The following SCN2A variants were observed in gnomAD, a reference collection of about 807,000 sequenced individuals.
The protein encoded by SCN2A is sodium channel protein type 2 subunit alpha.
A neutral mutation model predicts 188.7 loss-of-function variants in SCN2A; 20 were observed. The observed-to-expected ratio is 0.11, with a 90% CI of 0.07 to 0.15. The LOEUF (loss-of-function observed/expected upper bound fraction) is 0.15, where lower values mean the gene tolerates loss of function less well. Among genes scored for constraint, SCN2A ranks in the 10% least tolerant of loss-of-function variants. The pLI is 1.00. For missense variants in SCN2A, 1,278 were observed against 2,445.0 expected, an observed-to-expected ratio of 0.52 and a Z score of 10.07; for synonymous variants, 804 against 833.1, an observed-to-expected ratio of 0.97 and a Z score of 0.60.
At chr2:165,318,481 T>G (rs1697887403) in intron 11 of SCN2A, among the ~76,000 whole-genome samples, 1 of 152,236 alleles carries the variant, frequency 6.6e-6, no homozygotes, top group Non-Finnish European at 1.5e-5. Context: ...CTGGCCATCT[T>G]TTTTGTGTGT....
intron 1 of SCN2A, chr2:165,293,987 A>G: frequency 6.2e-6 from 1 of 161,310 alleles, no homozygotes; most frequent in Non-Finnish European, 9.9e-6. Context: ...ACAGGAAGTT[A>G]GGTGTGGTCT....
intron 1 of SCN2A, among the ~76,000 whole-genome samples, chr2:165,291,008 C>G (rs1258237030): frequency 6.8e-6 from 1 of 147,172 alleles, no homozygotes; most frequent in African/African-American, 2.5e-5. Context: ...TTGTCATTTC[C>G]TGGTGTTTTT....
intron 16 of SCN2A, among the ~76,000 whole-genome samples, chr2:165,346,270 G>A (rs908556856): frequency 6.6e-6 from 1 of 152,068 alleles, no homozygotes; most frequent in Non-Finnish European, 1.5e-5. Flanking sequence ...TGCTAGGTTG[G>A]GGAAGTTCTC....
At chr2:165,383,888 C>T (rs960123365) in intron 25 of SCN2A, among the ~76,000 whole-genome samples, 11 of 151,422 alleles carry the variant, frequency 7.3e-5, no homozygotes, top group Non-Finnish European at 2.9e-5. Context: ...ATTTGGCAAA[C>T]GAGTCAGAGT....
Position 165,354,672 on chromosome 2 carries a change from G to A in SCN2A, c.3399+1G>A, listed in dbSNP as rs1700091133. The stretch of plus-strand genomic sequence containing the variant: ...GTCAGATATGGAGGAAAGCAAAGAG[G>A]TAAAAATGTTTAAATAAGGAGATAT... On this transcript the variant is annotated splice_donor_variant, in intron 17 of 26. Coordinates refer to ENST00000375437, the MANE Select transcript of SCN2A (RefSeq NM_001040142.2). LOFTEE classifies it high-confidence loss of function. The A allele has an allele frequency of 6.2e-7, 1 of 1,612,954 alleles. No individual in the cohort carries two copies. Among genetic ancestry groups the A allele is most frequent in the Non-Finnish European group, 8.5e-7 (1 of 1,179,810 alleles).
intron 1 of SCN2A, among the ~76,000 whole-genome samples, chr2:165,291,031 C>CTTTCT (rs1696075019): frequency 7.4e-5 from 3 of 40,724 alleles, no homozygotes. Context: ...CTTTTCTTTT[C>CTTTCT]TTTCTTTTTT....
chr2:165,301,236 A>T (rs983010617), intron 3 of SCN2A, among the ~76,000 whole-genome samples: 13 of 152,074 alleles, frequency 8.5e-5, no homozygotes, highest in African/African-American at 3.1e-4. Context: ...ACATCATTGG[A>T]GGAGTTGAGG....
At chr2:165,282,598 T>G (rs1695629926) in intron 1 of SCN2A, among the ~76,000 whole-genome samples, 1 of 152,232 alleles carries the variant, frequency 6.6e-6, no homozygotes, top group African/African-American at 2.4e-5. Context: ...CCTCTTTTTT[T>G]TAGAGACAGG....
rs11286913 is a variant in SCN2A at position 165,351,573 on chromosome 2, CAA to C, written c.2920-2608_2920-2607del. ...AGAAAAGACCTTGTAGTTAGACTTTCAAAAAAAAAAAAGCTTCTCTACTTATT... is the reference window on the plus strand; with the variant it reads ...AGAAAAGACCTTGTAGTTAGACTTTCAAAAAAAAAAGCTTCTCTACTTATT... On this transcript the variant is annotated intron_variant, in intron 16 of 26. Transcript: ENST00000375437. 3.2e-4 allele frequency among the ~76,000 whole-genome samples: 46 copies of C among 145,448 alleles called. 1 individual carries two copies. Among genetic ancestry groups the C allele is most frequent in the South Asian group, 2.0e-3 (9 of 4,458 alleles).
chr2:165,264,779 C>G (rs1470367135), intron 1 of SCN2A, among the ~76,000 whole-genome samples: 2 of 152,054 alleles, frequency 1.3e-5, no homozygotes, highest in Admixed American at 1.3e-4. Context: ...CCAACCATGT[C>G]CTTGAAGAGG....
At chr2:165,241,073 A>G (rs1693597922) in intron 1 of SCN2A, 2 of 151,844 alleles carry the variant, frequency 1.3e-5, no homozygotes, top group African/African-American at 4.8e-5. Context: ...GCAGTAACAC[A>G]ATTCACCTCT....
chr2:165,314,234 C>T, intron 10 of SCN2A, 126 bp downstream of exon 10: 1 of 915,480 alleles, frequency 1.1e-6, no homozygotes, highest in Non-Finnish European at 1.7e-6. Context: ...GTGCTAGGAG[C>T]CTGTTTGGTT....
At chr2:165,317,914 G>A (rs1408458855) in intron 11 of SCN2A, among the ~76,000 whole-genome samples, 2 of 151,850 alleles carry the variant, frequency 1.3e-5, no homozygotes, top group Non-Finnish European at 2.9e-5. Context: ...AGAGGGAAAG[G>A]GAAAGAAAGA....
At chr2:165,291,266 TCTC>T (rs1185288940) in intron 1 of SCN2A, among the ~76,000 whole-genome samples, 1 of 151,474 alleles carries the variant, frequency 6.6e-6, no homozygotes, top group East Asian at 2.0e-4. Context: ...CTGGTCTTGA[TCTC>T]CTGGCCTCAA....
intron 19 of SCN2A, 103 bp from the exon 20 acceptor site, chr2:165,370,023 C>T: frequency 1.0e-6 from 1 of 974,420 alleles, no homozygotes; most frequent in Non-Finnish European, 1.6e-6. Flanking sequence ...AACCTTCCAG[C>T]CTTAGGCACC....
chr2:165,367,576 C>G (rs1700794166), intron 19 of SCN2A, among the ~76,000 whole-genome samples: 1 of 152,164 alleles, frequency 6.6e-6, no homozygotes, highest in Non-Finnish European at 1.5e-5. Flanking sequence ...GAACCAAACT[C>G]AGATCATTAT....
intron 11 of SCN2A, among the ~76,000 whole-genome samples, chr2:165,322,706 G>A (rs1323849433): frequency 6.6e-6 from 1 of 152,156 alleles, no homozygotes; most frequent in African/African-American, 2.4e-5. Flanking sequence ...TCAGGGTGTG[G>A]TCACTAGCGA....
At chr2:165,384,767 A>C (rs1401510110) in intron 25 of SCN2A, among the ~76,000 whole-genome samples, 2 of 152,180 alleles carry the variant, frequency 1.3e-5, no homozygotes, top group African/African-American at 4.8e-5. Flanking sequence ...TAAGTGCTTT[A>C]AACTCAAAAC....
intron 1 of SCN2A, among the ~76,000 whole-genome samples, chr2:165,248,340 C>A (rs1416692940): frequency 6.6e-6 from 1 of 152,078 alleles, no homozygotes; most frequent in African/African-American, 2.4e-5. Context: ...AATTTGTCTC[C>A]AGTTTTTCTT....
Sources: gnomAD v4.1 joint callset for allele counts (sites outside exome capture counted in the v4.1 genomes callset) on GRCh38, gnomAD v4.1.1 for gene constraint, MANE v1.5 for transcripts, NCBI Gene and HGNC (gene_info 2026-07-23, HGNC 2026-07-21) for gene names.